The following TRABD2B variants were observed in gnomAD, a reference collection of about 807,000 sequenced individuals.
TRABD2B encodes metalloprotease TIKI2.
Under a neutral mutation model 40.1 loss-of-function variants are expected in TRABD2B, and 14 were observed. That is an observed-to-expected ratio of 0.35 (90% CI 0.23 to 0.55). The LOEUF is 0.55. TRABD2B is among the 20% of genes least tolerant of loss of function. The probability of loss-of-function intolerance (pLI) is 0.90; values close to 1 mark genes in which losing one functional copy is unlikely to be tolerated. For synonymous variants in TRABD2B, 263 were observed against 277.0 expected, an observed-to-expected ratio of 0.95 and a Z score of 0.50; for missense variants, 541 against 648.6, an observed-to-expected ratio of 0.83 and a Z score of 1.80.
intron 6 of TRABD2B, 101 bp from the exon 7 acceptor site, chr1:47,766,207 A>G (rs1267658025): frequency 3.0e-6 from 2 of 655,970 alleles, no homozygotes; most frequent in Non-Finnish European, 2.8e-6. Context: ...ATTTTGCCTA[A>G]TACAATGGAG....
intron 4 of TRABD2B, among the ~76,000 whole-genome samples, chr1:47,785,436 G>C (rs1181914606): frequency 6.6e-6 from 1 of 152,226 alleles, no homozygotes; most frequent in African/African-American, 2.4e-5. Context: ...TTTACCAGCT[G>C]CTCCTCTTTG....
chr1:47,979,018 CA>C (rs546839636), intron 2 of TRABD2B, among the ~76,000 whole-genome samples: 4 of 152,146 alleles, frequency 2.6e-5, no homozygotes, highest in South Asian at 4.2e-4. Context: ...AATGGAGGAT[CA>C]GGGGGATGCT....
At chr1:47,985,488 A>G (rs1350363575) in intron 2 of TRABD2B, among the ~76,000 whole-genome samples, 1 of 152,232 alleles carries the variant, frequency 6.6e-6, no homozygotes, top group Non-Finnish European at 1.5e-5. Flanking sequence ...TCTCCCAAGG[A>G]AACCACCTTG....
rs891065005 is a variant in TRABD2B at position 47,762,724 on chromosome 1, A to G, written c.*3178T>C. On this transcript the variant is annotated 3_prime_UTR_variant, in exon 7 of 7. Transcript: ENST00000606738. ...GGAGGCATCCTCAGCAGCCCTTTGC[A>G]GCTCCCTGGCAGCCTGATTCTTCTC... 1 of 152,150 alleles carries G rather than the reference A, an allele frequency of 6.6e-6. No individual in the cohort carries two copies. The highest frequency in any genetic ancestry group is 6.5e-5 in the Admixed American group (1 of 15,272). 9.4% of individuals were successfully genotyped at this position (152,150 alleles called of 1,614,324 possible).
chr1:47,773,070 G>C (rs543551510), intron 6 of TRABD2B, among the ~76,000 whole-genome samples: 6 of 152,338 alleles, frequency 3.9e-5, no homozygotes, highest in Admixed American at 2.6e-4. Flanking sequence ...ACATGGTTAG[G>C]GGCCGGAGCT....
chr1:47,840,986 C>T (rs1451400748), intron 2 of TRABD2B, among the ~76,000 whole-genome samples: 1 of 152,160 alleles, frequency 6.6e-6, no homozygotes, highest in African/African-American at 2.4e-5. Context: ...GAAGCCTATT[C>T]AAACCTGACA....
At chr1:47,918,370 G>A (rs1034360316) in intron 2 of TRABD2B, among the ~76,000 whole-genome samples, 1 of 152,212 alleles carries the variant, frequency 6.6e-6, no homozygotes, top group African/African-American at 2.4e-5. Context: ...CAACAATGGT[G>A]ACACAGAGAA....
At chr1:47,784,789 C>G (rs538111593) in intron 4 of TRABD2B, among the ~76,000 whole-genome samples, 5 of 152,178 alleles carry the variant, frequency 3.3e-5, no homozygotes, top group African/African-American at 1.2e-4. Flanking sequence ...CTTTGCAGGC[C>G]GCCCAGGGAA....
chr1:47,870,660 A>C (rs1051559041), intron 2 of TRABD2B, among the ~76,000 whole-genome samples: 3 of 152,184 alleles, frequency 2.0e-5, no homozygotes, highest in African/African-American at 4.8e-5. Context: ...CACAAAAATG[A>C]ATCAGTTGTA....
intron 4 of TRABD2B, among the ~76,000 whole-genome samples, chr1:47,781,523 T>A (rs1644522766): frequency 6.6e-6 from 1 of 152,236 alleles, no homozygotes; most frequent in Non-Finnish European, 1.5e-5. Flanking sequence ...TGGCCGGCGT[T>A]CCTATCCATC....
At chr1:47,937,971 C>T (rs1184353846) in intron 2 of TRABD2B, among the ~76,000 whole-genome samples, 1 of 152,194 alleles carries the variant, frequency 6.6e-6, no homozygotes, top group Non-Finnish European at 1.5e-5. Context: ...AGCTCCCCAC[C>T]TCAATCCCAC....
chr1:47,843,261 T>C (rs1645423816), intron 2 of TRABD2B, among the ~76,000 whole-genome samples: 1 of 151,548 alleles, frequency 6.6e-6, no homozygotes, highest in Non-Finnish European at 1.5e-5. Flanking sequence ...GCCTGTAGAG[T>C]GGAGGAGAAA....
At chr1:47,770,509 A>G (rs1463257646) in intron 6 of TRABD2B, among the ~76,000 whole-genome samples, 1 of 152,186 alleles carries the variant, frequency 6.6e-6, no homozygotes, top group African/African-American at 2.4e-5. Context: ...GTTTTCTAAT[A>G]GCTTCATAGC....
intron 2 of TRABD2B, among the ~76,000 whole-genome samples, chr1:47,853,155 G>A (rs546016229): frequency 5.3e-5 from 8 of 152,292 alleles, no homozygotes; most frequent in African/African-American, 1.9e-4. Context: ...TAGGGCCGAG[G>A]GCCACTCACT....
chr1:47,805,134 A>G (rs1644874220), intron 2 of TRABD2B, among the ~76,000 whole-genome samples: 1 of 152,166 alleles, frequency 6.6e-6, no homozygotes, highest in Non-Finnish European at 1.5e-5. Flanking sequence ...CTGTGGGCAG[A>G]GTGGACTCAA....
intron 6 of TRABD2B, among the ~76,000 whole-genome samples, chr1:47,771,848 C>CGGTAAT (rs1386480082): frequency 6.6e-6 from 1 of 152,180 alleles, no homozygotes; most frequent in African/African-American, 2.4e-5. Context: ...TTTACATCTC[C>CGGTAAT]GGTAATGAGG....
intron 2 of TRABD2B, among the ~76,000 whole-genome samples, chr1:47,840,203 C>T (rs1173065421): frequency 6.6e-6 from 1 of 152,170 alleles, no homozygotes; most frequent in East Asian, 1.9e-4. Flanking sequence ...TAAGCACGCT[C>T]ACTCCAGGGC....
At chr1:47,887,994 A>G (rs551246093) in intron 2 of TRABD2B, among the ~76,000 whole-genome samples, 1 of 152,308 alleles carries the variant, frequency 6.6e-6, no homozygotes, top group Non-Finnish European at 1.5e-5. Flanking sequence ...TGACTTCACA[A>G]GGGAGACAAA....
At chr1:47,893,320 G>C (rs1220479028) in intron 2 of TRABD2B, among the ~76,000 whole-genome samples, 1 of 152,158 alleles carries the variant, frequency 6.6e-6, no homozygotes, top group African/African-American at 2.4e-5. Flanking sequence ...ATGGGACAGA[G>C]TGCATTCACA....
Sources: allele counts gnomAD v4.1 joint callset (sites outside exome capture counted in the v4.1 genomes callset), GRCh38; gene constraint gnomAD v4.1.1; transcripts MANE v1.5; gene names NCBI Gene and HGNC (gene_info 2026-07-23, HGNC 2026-07-21).